Variants in FIBCD1 observed in about 807,000 individuals in gnomAD.
FIBCD1 encodes the protein fibrinogen C domain-containing protein 1.
In FIBCD1, 47 loss-of-function variants were observed where a neutral mutation model predicts 45.1. That is an observed-to-expected ratio of 1.04 (90% CI 0.82 to 1.33). The LOEUF is 1.33. FIBCD1 is among the 40% of genes most tolerant of loss of function. FIBCD1 has a pLI of 0.00. For missense variants in FIBCD1, 653 were observed against 682.2 expected (o/e 0.96, Z 0.48); for synonymous variants, 313 against 308.1 (o/e 1.02, Z -0.17).
rs1451384177 is a variant in FIBCD1 at position 130,922,717 on chromosome 9, C to A, written c.849+1027G>T. 6.6e-6 allele frequency among the ~76,000 whole-genome samples: 1 copy of A among 152,124 alleles called. No individual in the cohort carries two copies. Among genetic ancestry groups the A allele is most frequent in the South Asian group, 2.1e-4 (1 of 4,818 alleles). ...CCATCCCGTCTTCCTCTCTTCAACA[C>A]CCCCAGTAGCTCCCGACTGTGTGTC... On this transcript the variant is annotated intron_variant, in intron 4 of 6. Transcript: ENST00000372338. This position sits in a 1 kb window ranked among gnomAD's most constrained non-coding sequence, Gnocchi z 4.5.
In FIBCD1 at chr9:130,923,895, G is replaced by T; in HGVS notation, c.713-15C>A. 6.2e-7 allele frequency: 1 copy of T among 1,611,918 alleles called. No homozygotes were observed. Among genetic ancestry groups the T allele is most frequent in the Non-Finnish European group, 8.5e-7 (1 of 1,179,926 alleles). On this transcript the variant is annotated splice_polypyrimidine_tract_variant and intron_variant, in intron 3 of 6. Transcript: ENST00000372338. ...GGGCCGGGAGCCTGAGGGAGGCAAGGCTGTCAGGGTGGCTGCGGCCCCAGC... is the reference window on the plus strand; with the variant it reads ...GGGCCGGGAGCCTGAGGGAGGCAAGTCTGTCAGGGTGGCTGCGGCCCCAGC...
intron 4 of FIBCD1, among the ~76,000 whole-genome samples, chr9:130,917,097 T>TAAAACAAAAC (rs71389378): frequency 2.0e-5 from 3 of 151,742 alleles, no homozygotes; most frequent in South Asian, 2.1e-4. Context: ...GACCTCGTCT[T>TAAAACAAAAC]AAAACAAAAC....
rs948031087 is a variant in FIBCD1, at chr9:130,938,768, G to A, written c.-161C>T. The stretch of plus-strand genomic sequence containing the variant: ...GCCCGGGAGCGGGCGGGCGTGTGAG[G>A]ATGAGCGCGCCGCTGTGTGCGGGCG... On this transcript the variant is annotated 5_prime_UTR_variant, in exon 1 of 7. Transcript: ENST00000372338. 4.9e-6 allele frequency: 1 copy of A among 203,546 alleles called. No individual in the cohort carries two copies. The highest frequency in any genetic ancestry group is 8.9e-6 in the Non-Finnish European group (1 of 111,970). The allele number at this position is 203,546 out of a possible 1,614,324, so 12.6% of individuals were successfully genotyped here. A position where few individuals can be genotyped will look rare whatever the true frequency, so the allele number is the denominator to read the frequency against.
At position 130,929,981 on chromosome 9, in the gene FIBCD1, A is replaced by C; in HGVS notation, c.138T>G (p.Ala46=). The C allele has an allele frequency of 6.5e-7, 1 of 1,544,936 alleles. No individual in the cohort carries two copies. The highest frequency in any genetic ancestry group is 8.7e-7 in the Non-Finnish European group (1 of 1,144,206). Residue 46 remains alanine, a synonymous_variant, in exon 2 of 7, where the codon GCT becomes GCG. Transcript: ENST00000372338. ...TCAGGAAGAGCACGGCACCGGTGAC[A>C]GCTACAGCCAGCAGCACAGCCAGGG... ...LLALAVLLAV[A]VTGAVLFLNH...
chr9:130,921,544 C>T (rs1373103039), intron 4 of FIBCD1, among the ~76,000 whole-genome samples: 4 of 152,224 alleles, frequency 2.6e-5, no homozygotes, highest in Admixed American at 2.6e-4. Context: ...CTCATCGACT[C>T]CCCTCTAATC....
rs1427412550 is a variant in FIBCD1, at chr9:130,912,971, G to A, written c.850-1083C>T. On this transcript the variant is annotated intron_variant, in intron 4 of 6. Coordinates refer to ENST00000372338, the MANE Select transcript of FIBCD1 (RefSeq NM_032843.5). ...CCAAAACAAGCCTGGGGCAGGGGTCGGGGTGCTGGGAAACCGGAGTCCAGG... is the reference window on the plus strand; with the variant it reads ...CCAAAACAAGCCTGGGGCAGGGGTCAGGGTGCTGGGAAACCGGAGTCCAGG... Among the ~76,000 whole-genome samples, 3 of 152,274 alleles carry A rather than the reference G, an allele frequency of 2.0e-5. 1 individual carries two copies. The highest frequency in any genetic ancestry group is 3.9e-4 in the East Asian group (2 of 5,170).
intron 5 of FIBCD1, among the ~76,000 whole-genome samples, chr9:130,910,198 C>G (rs958533008): frequency 6.6e-6 from 1 of 152,026 alleles, no homozygotes; most frequent in Non-Finnish European, 1.5e-5. Flanking sequence ...ATGGGCTTGG[C>G]GGGCCCCACA....
At chr9:130,911,767 G>T in intron 5 of FIBCD1, 25 bp downstream of exon 5, 3 of 1,577,532 alleles carry the variant, frequency 1.9e-6, no homozygotes, top group Non-Finnish European at 2.6e-6. Context: ...GCCCACCTGG[G>T]CCGGATGGTG....
At chr9:130,939,893 A>T (rs1466079790), upstream of FIBCD1, among the ~76,000 whole-genome samples, 1 of 149,918 alleles carries the variant, frequency 6.7e-6, no homozygotes, top group Non-Finnish European at 1.5e-5. Context: ...AGGCGCCCAC[A>T]CTGCCCGACG....
At chr9:130,936,126 C>A (rs1249650309) in intron 1 of FIBCD1, 1 of 152,270 alleles carries the variant, frequency 6.6e-6, no homozygotes, top group African/African-American at 2.4e-5. Flanking sequence ...CCATAACAGC[C>A]CTTGTGAAAT....
At chr9:130,909,228 T>C (rs1358312469) in intron 5 of FIBCD1, among the ~76,000 whole-genome samples, 1 of 151,838 alleles carries the variant, frequency 6.6e-6, no homozygotes, top group East Asian at 1.9e-4. Context: ...CTCACCCTTC[T>C]TACCCTCTCC....
At chr9:130,931,078 A>G (rs1832442675) in intron 1 of FIBCD1, among the ~76,000 whole-genome samples, 1 of 152,066 alleles carries the variant, frequency 6.6e-6, no homozygotes, top group African/African-American at 2.4e-5. Flanking sequence ...TTCACAGAGC[A>G]GGCCCCTGGC....
chr9:130,905,085 A>T (rs1294358008), intron 6 of FIBCD1, 149 bp downstream of exon 6: 1 of 741,052 alleles, frequency 1.3e-6, no homozygotes, highest in African/African-American at 1.8e-5. Context: ...TTGGTAGTTT[A>T]TCAATATTTG....
Position 130,923,805 on chromosome 9 carries a change from G to A in FIBCD1, c.788C>T (p.Thr263Ile). 1.2e-6 allele frequency: 2 copies of A among 1,612,976 alleles called. No homozygotes were observed. Among genetic ancestry groups the A allele is most frequent in the South Asian group, 2.2e-5 (2 of 91,074 alleles). ...QDDGVYSVFP[T>I]HYPAGFQVYC... is the part of the protein sequence containing the mutation. ...CACCTGGAAGCCGGCCGGGTAGTGG[G>A]TGGGAAAGACAGAGTAGACGCCATC... Residue 263 changes from threonine to isoleucine, a missense_variant, in exon 4 of 7, where the codon ACC (threonine) becomes ATC (isoleucine). By Grantham distance (89) the Thr-to-Ile change is moderately conservative. Transcript: ENST00000372338.
chr9:130,923,121 T>G, intron 4 of FIBCD1, among the ~76,000 whole-genome samples: 1 of 152,194 alleles, frequency 6.6e-6, no homozygotes, highest in East Asian at 1.9e-4. Flanking sequence ...TGAGAAGCCT[T>G]AAAGAGCCAG....
rs937267289 is a variant in FIBCD1, at chr9:130,938,406, C to A, written c.72+130G>T. On this transcript the variant is annotated intron_variant, in intron 1 of 6. Coordinates refer to ENST00000372338, the MANE Select transcript of FIBCD1 (RefSeq NM_032843.5). ...GAGGAGAGGAGGGTCCCCATCCCGG[C>A]CCGGGCCTCCGGAGCCTCGAAGGGG... The A allele has an allele frequency of 2.2e-5, 16 of 738,696 alleles. No homozygotes were observed. In the East Asian group the frequency reaches 5.9e-4, roughly 27 times the overall value. 45.8% of individuals were successfully genotyped at this position (738,696 alleles called of 1,614,324 possible).
intron 1 of FIBCD1, among the ~76,000 whole-genome samples, chr9:130,930,435 T>TGGGGAGGCGC (rs1832431744): frequency 7.0e-6 from 1 of 142,990 alleles, no homozygotes; most frequent in Non-Finnish European, 1.5e-5. Context: ...CGGGGAGACA[T>TGGGGAGGCGC]GGGGAGATGC....
chr9:130,910,270 G>A (rs1469078087), intron 5 of FIBCD1, among the ~76,000 whole-genome samples: 1 of 152,250 alleles, frequency 6.6e-6, no homozygotes, highest in Non-Finnish European at 1.5e-5. Context: ...ACCTGGGCCA[G>A]CGGCTGTGGA....
At position 130,904,181 on chromosome 9, in the gene FIBCD1, G is replaced by A; in HGVS notation, c.1269C>T (p.Tyr423=). 1 of 1,613,752 alleles carries A rather than the reference G, an allele frequency of 6.2e-7. No homozygotes were observed. The highest frequency in any genetic ancestry group is 8.5e-7 in the Non-Finnish European group (1 of 1,180,006). ...CATAGGAGGCGTGCGCACCGCGCAG[G>A]TACTGCCCATTGAGGTTGGACGTGT... ...NCHTSNLNGQ[Y]LRGAHASYAD... is the part of the protein sequence containing the mutation. Residue 423 remains tyrosine (Y), a synonymous_variant, in exon 7 of 7, where the codon TAC becomes TAT. Transcript: ENST00000372338.
Sources: gnomAD v4.1 joint callset for allele counts (sites outside exome capture counted in the v4.1 genomes callset) on GRCh38, gnomAD v4.1.1 for gene constraint, Gnocchi (gnomAD v3.1) non-coding constraint, MANE v1.5 for transcripts, NCBI Gene and HGNC (gene_info 2026-07-23, HGNC 2026-07-21) for gene names.